TTC27: variants seen among roughly 807,000 people sequenced by gnomAD.
TTC27 encodes tetratricopeptide repeat protein 27.
A neutral mutation model predicts 115.9 loss-of-function variants in TTC27; 79 were observed. The ratio of observed to expected loss-of-function variants is 0.68; its 90% CI spans 0.57 to 0.82. TTC27 has a LOEUF of 0.82. TTC27 is among the 40% of genes least tolerant of loss of function. The pLI, the probability that TTC27 is intolerant of heterozygous loss-of-function variation, is 0.00. For synonymous variants in TTC27, 401 were observed against 356.0 expected, an observed-to-expected ratio of 1.13 and a Z score of -1.42; for missense variants, 1,054 against 993.1, an observed-to-expected ratio of 1.06 and a Z score of -0.82.
chr2:32,631,260 G>C (rs1003946502), intron 2 of TTC27, among the ~76,000 whole-genome samples: 1 of 151,968 alleles, frequency 6.6e-6, no homozygotes, highest in Non-Finnish European at 1.5e-5. Context: ...CCAATATCCC[G>C]CCATTGCACT....
At chr2:32,813,935 A>G (rs1671398021) in intron 18 of TTC27, among the ~76,000 whole-genome samples, 1 of 152,186 alleles carries the variant, frequency 6.6e-6, no homozygotes, top group South Asian at 2.1e-4. Context: ...GGGGGTGGTT[A>G]GAATTCATGT....
At chr2:32,815,690 A>G (rs1431070475) in intron 18 of TTC27, among the ~76,000 whole-genome samples, 3 of 152,026 alleles carry the variant, frequency 2.0e-5, no homozygotes, top group African/African-American at 7.2e-5. Flanking sequence ...GAAATACAGC[A>G]GTTTCTGATC....
chr2:32,729,949 A>G (rs1195431701), intron 10 of TTC27, among the ~76,000 whole-genome samples: 1 of 152,246 alleles, frequency 6.6e-6, no homozygotes, highest in Non-Finnish European at 1.5e-5. Flanking sequence ...GTGCAAGGGT[A>G]GGACACACTG....
chr2:32,724,965 A>C (rs934593844), intron 10 of TTC27, among the ~76,000 whole-genome samples: 19 of 152,224 alleles, frequency 1.2e-4, no homozygotes, highest in African/African-American at 4.3e-4. Context: ...TCTTACGTGG[A>C]TGGCAGCAGA....
intron 12 of TTC27, among the ~76,000 whole-genome samples, chr2:32,757,130 C>T (rs1669261076): frequency 6.6e-6 from 1 of 152,050 alleles, no homozygotes; most frequent in Non-Finnish European, 1.5e-5. Context: ...TAAGCAGTGC[C>T]TATTAAGTTG....
intron 10 of TTC27, among the ~76,000 whole-genome samples, chr2:32,703,219 A>T (rs973905240): frequency 1.3e-5 from 2 of 152,198 alleles, no homozygotes; most frequent in African/African-American, 4.8e-5. Context: ...CTGTGATCCC[A>T]CCACTTTGGG....
At chr2:32,694,647 C>T (rs1666922577) in intron 9 of TTC27, among the ~76,000 whole-genome samples, 1 of 149,382 alleles carries the variant, frequency 6.7e-6, no homozygotes, top group African/African-American at 2.4e-5. Context: ...TTTAGCAACA[C>T]AAAATTTGAA....
intron 18 of TTC27, among the ~76,000 whole-genome samples, chr2:32,815,199 A>ATAGAGGAG (rs776697382): frequency 7.0e-6 from 1 of 143,842 alleles, no homozygotes; most frequent in Non-Finnish European, 1.5e-5. Context: ...TGCAGTTTAC[A>ATAGAGGAG]TAGAGGAGGC....
chr2:32,672,239 T>A, intron 7 of TTC27, 33 bp from the exon 8 acceptor site: 1 of 1,513,874 alleles, frequency 6.6e-7, no homozygotes, highest in Non-Finnish European at 9.1e-7. Flanking sequence ...AATTTAATTT[T>A]TGGTCTAAGT....
intron 10 of TTC27, among the ~76,000 whole-genome samples, chr2:32,722,792 A>G (rs1034522139): frequency 1.3e-5 from 2 of 152,190 alleles, no homozygotes; most frequent in African/African-American, 4.8e-5. Flanking sequence ...TAAGGCCTAC[A>G]ATTCAGGTTG....
intron 10 of TTC27, among the ~76,000 whole-genome samples, chr2:32,703,295 C>T (rs1013890369): frequency 1.3e-5 from 2 of 152,104 alleles, no homozygotes; most frequent in South Asian, 4.2e-4. Context: ...GGTGAAACCC[C>T]GTCTCTACTG....
intron 9 of TTC27, among the ~76,000 whole-genome samples, chr2:32,685,322 G>A (rs955293592): frequency 1.3e-5 from 2 of 151,984 alleles, no homozygotes; most frequent in South Asian, 2.1e-4. Flanking sequence ...GAGCCACTGC[G>A]CCCAGCCTGC....
intron 8 of TTC27, among the ~76,000 whole-genome samples, chr2:32,677,671 G>C (rs977663220): frequency 6.6e-6 from 1 of 151,756 alleles, no homozygotes; most frequent in Non-Finnish European, 1.5e-5. Context: ...GGATGGTCTC[G>C]ATCTCTTGAC....
rs115142312 is a variant in TTC27, at chr2:32,815,951, T to C, written c.2309-1506T>C. Reference sequence around the variant, plus strand: ...TAGTTCTTGCTGGCCTTGGAAGATATTAATTAATGACAGAACTCTGTTTTG... The same window carrying C: ...TAGTTCTTGCTGGCCTTGGAAGATACTAATTAATGACAGAACTCTGTTTTG... On this transcript the variant is annotated intron_variant, in intron 18 of 19. Coordinates refer to ENST00000317907, the MANE Select transcript of TTC27 (RefSeq NM_017735.5). Among the ~76,000 whole-genome samples, 1,246 of 152,304 alleles carry C rather than the reference T, an allele frequency of 8.2e-3. 9 individuals are homozygous for C. Among genetic ancestry groups the C allele is most frequent in the Non-Finnish European group, 0.013 (908 of 68,014 alleles).
rs184938749 is a variant in TTC27 at position 32,707,047 on chromosome 2, C to T, written c.1233+4127C>T. Among the ~76,000 whole-genome samples the T allele has an allele frequency of 1.3e-4, 20 of 152,290 alleles. No homozygotes were observed. In the South Asian group the frequency reaches 3.9e-3, roughly 30 times the overall value. ...TGTGTGCTGTCCTGGCACTTTGTCC[C>T]TTCCCATTGGCTGGGAAATCAGGAG... On this transcript the variant is annotated intron_variant, in intron 10 of 19. Coordinates refer to ENST00000317907, the MANE Select transcript of TTC27 (RefSeq NM_017735.5).
At chr2:32,700,152 G>T (rs529080985) in intron 9 of TTC27, among the ~76,000 whole-genome samples, 98 of 152,286 alleles carry the variant, frequency 6.4e-4, no homozygotes, top group Non-Finnish European at 7.9e-4. Context: ...AGAGCTCCTG[G>T]AGGGGCCAGA....
intron 13 of TTC27, among the ~76,000 whole-genome samples, chr2:32,767,216 G>A (rs1055988157): frequency 6.6e-6 from 1 of 152,014 alleles, no homozygotes; most frequent in Non-Finnish European, 1.5e-5. Flanking sequence ...GTAATAATTT[G>A]TAAGAAACTT....
intron 3 of TTC27, among the ~76,000 whole-genome samples, chr2:32,637,820 G>T (rs979621615): frequency 1.3e-5 from 2 of 152,298 alleles, no homozygotes; most frequent in African/African-American, 4.8e-5. Context: ...TGTACATTCA[G>T]TACCTCCAGT....
chr2:32,668,374 T>C lies in TTC27; in HGVS notation c.939+1606T>C, dbSNP rs1438112626. On this transcript the variant is annotated intron_variant, in intron 7 of 19. Transcript: ENST00000317907. ...CTGGGCAACAAGAGCAAAACTCCCT[T>C]TGAAAAAAAAAAAAAAGAAAAGAAA... is the stretch of plus-strand genomic sequence containing the variant. 2.0e-5 allele frequency among the ~76,000 whole-genome samples: 3 copies of C among 148,970 alleles called. No homozygotes were observed. The East Asian group carries it at 5.9e-4, about 29-fold the overall frequency.
Sources: gnomAD v4.1 joint callset for allele counts (sites outside exome capture counted in the v4.1 genomes callset) on GRCh38, gnomAD v4.1.1 for gene constraint, MANE v1.5 for transcripts, NCBI Gene and HGNC (gene_info 2026-07-23, HGNC 2026-07-21) for gene names.